PDE8B: variants seen among roughly 807,000 people sequenced by gnomAD.
PDE8B encodes phosphodiesterase 8B.
A neutral mutation model predicts 101.3 loss-of-function variants in PDE8B; 26 were observed. The observed-to-expected ratio is 0.26, with a 90% confidence interval of 0.19 to 0.36. The LOEUF is 0.36. PDE8B is among the 10% of genes least tolerant of loss of function. PDE8B has a pLI of 1.00. For missense variants in PDE8B, 810 were observed against 1,163.1 expected, an observed-to-expected ratio of 0.70 and a Z score of 4.42; for synonymous variants, 424 against 429.3, an observed-to-expected ratio of 0.99 and a Z score of 0.15.
At chr5:77,328,648 A>T (rs934281533) in intron 3 of PDE8B, among the ~76,000 whole-genome samples, 6 of 152,236 alleles carry the variant, frequency 3.9e-5, no homozygotes, top group African/African-American at 1.4e-4. Context: ...GTACATACTG[A>T]TAAGAAGAGG....
intron 1 of PDE8B, among the ~76,000 whole-genome samples, chr5:77,242,604 A>C (rs1414893817): frequency 6.6e-6 from 1 of 152,240 alleles, no homozygotes. Context: ...ACTTTAAGAC[A>C]TCAGCTCCTT....
At chr5:77,331,284 G>T (rs565086814) in intron 4 of PDE8B, 118 bp from the exon 5 acceptor site, 1 of 893,974 alleles carries the variant, frequency 1.1e-6, no homozygotes, top group Non-Finnish European at 1.9e-6. Flanking sequence ...GCACGTGCTC[G>T]TCAGGAAGCC....
chr5:77,283,824 A>G (rs1206737937), intron 1 of PDE8B, among the ~76,000 whole-genome samples: 1 of 152,198 alleles, frequency 6.6e-6, no homozygotes, highest in Non-Finnish European at 1.5e-5. Flanking sequence ...TGTAGACATA[A>G]ATTTTCAGGT....
intron 6 of PDE8B, among the ~76,000 whole-genome samples, chr5:77,341,232 A>T (rs1241908146): frequency 6.6e-6 from 1 of 152,182 alleles, no homozygotes; most frequent in African/African-American, 2.4e-5. Flanking sequence ...GAGCCTGAAT[A>T]AACGTTGTGG....
chr5:77,204,771 A>G, the PDE8B span, among the ~76,000 whole-genome samples: 3 of 152,230 alleles, frequency 2.0e-5, no homozygotes, highest in African/African-American at 7.2e-5. Flanking sequence ...TCCCTTCCCA[A>G]TGACCATAAC....
chr5:77,423,661 A>ATTTTTTTT (rs1797245306), intron 20 of PDE8B, among the ~76,000 whole-genome samples: 3 of 24,970 alleles, frequency 1.2e-4, no homozygotes, highest in African/African-American at 3.8e-4. Flanking sequence ...TTTTTTTTTG[A>ATTTTTTTT]GACAGTCTTG....
At chr5:77,213,541 C>T (rs1357165956) in intron 1 of PDE8B, among the ~76,000 whole-genome samples, 1 of 152,188 alleles carries the variant, frequency 6.6e-6, no homozygotes, top group South Asian at 2.1e-4. Flanking sequence ...TTTATAAAAA[C>T]TTTACATTCA....
At chr5:77,215,043 T>C (rs1749362032) in intron 1 of PDE8B, among the ~76,000 whole-genome samples, 1 of 152,220 alleles carries the variant, frequency 6.6e-6, no homozygotes, top group Admixed American at 6.5e-5. Context: ...TTCATCTTAG[T>C]TCACTTCTGT....
At chr5:77,129,143 T>G in the PDE8B span, among the ~76,000 whole-genome samples, 1 of 152,116 alleles carries the variant, frequency 6.6e-6, no homozygotes, top group African/African-American at 2.4e-5. Flanking sequence ...ACTAGTTTAG[T>G]AGTGAAAGTA....
chr5:77,357,565 C>T (rs2150519174), intron 10 of PDE8B, among the ~76,000 whole-genome samples: 1 of 152,320 alleles, frequency 6.6e-6, no homozygotes, highest in African/African-American at 2.4e-5. Flanking sequence ...AGCTTCTCTC[C>T]AAACCCAGCA....
chr5:77,266,002 C>T (rs1250426595), intron 1 of PDE8B, among the ~76,000 whole-genome samples: 2 of 152,102 alleles, frequency 1.3e-5, no homozygotes, highest in South Asian at 2.1e-4. Flanking sequence ...TGCCTGACTG[C>T]GCTGCTCAGG....
At chr5:77,142,627 CATATA>C in the PDE8B span, among the ~76,000 whole-genome samples, 2 of 152,020 alleles carry the variant, frequency 1.3e-5, no homozygotes, top group Non-Finnish European at 2.9e-5. Context: ...CAATCTGGGG[CATATA>C]ATCTGTGATT....
In PDE8B at chr5:77,241,215, C is replaced by T. The variant is rs575637948; in HGVS notation, c.339+29951C>T. On this transcript the variant is annotated intron_variant, in intron 1 of 21. Transcript: ENST00000264917. ...GCACGCACACCTCATTGCTTTTCTTCGGCAAGTATTGGGAGTAACTCATCA... is the reference window on the plus strand; with the variant it reads ...GCACGCACACCTCATTGCTTTTCTTTGGCAAGTATTGGGAGTAACTCATCA... Among the ~76,000 whole-genome samples the T allele has an allele frequency of 4.7e-3, 723 of 152,272 alleles. 3 individuals carry two copies. Among genetic ancestry groups the T allele is most frequent in the African/African-American group, 0.016 (676 of 41,558 alleles).
At chr5:77,272,517 C>T (rs1763000429) in intron 1 of PDE8B, among the ~76,000 whole-genome samples, 1 of 152,134 alleles carries the variant, frequency 6.6e-6, no homozygotes, top group African/African-American at 2.4e-5. Flanking sequence ...TTAAAACCTC[C>T]ATTTGAGAGC....
the PDE8B span, chr5:77,142,160 G>A: frequency 1.3e-5 from 2 of 152,184 alleles, no homozygotes; most frequent in African/African-American, 4.8e-5. Flanking sequence ...GGAGGTTGCA[G>A]TAAAGAACTG....
At chr5:77,375,885 ATTTCTTTTTTTT>A (rs1454743525) in intron 10 of PDE8B, among the ~76,000 whole-genome samples, 1 of 89,864 alleles carries the variant, frequency 1.1e-5, no homozygotes, top group Non-Finnish European at 2.3e-5. Flanking sequence ...TTGTGCCTTG[ATTTCTTTTTTTT>A]TTTTTTTTTT....
At chr5:77,328,166 G>A (rs909653106) in intron 3 of PDE8B, among the ~76,000 whole-genome samples, 2 of 152,300 alleles carry the variant, frequency 1.3e-5, no homozygotes, top group East Asian at 3.9e-4. Flanking sequence ...ATAGGTCAAA[G>A]CAAGCTGCTG....
chr5:77,350,737 C>T (rs1780950014), intron 8 of PDE8B, among the ~76,000 whole-genome samples: 1 of 152,198 alleles, frequency 6.6e-6, no homozygotes, highest in Non-Finnish European at 1.5e-5. Context: ...GCCAAGTTCA[C>T]AGATTGCTGT....
At chr5:77,411,342 G>A (rs1380856718) in intron 14 of PDE8B, among the ~76,000 whole-genome samples, 1 of 152,206 alleles carries the variant, frequency 6.6e-6, no homozygotes, top group Non-Finnish European at 1.5e-5. Context: ...AAGATCTGAA[G>A]CAAGGTCACT....
Sources: allele counts gnomAD v4.1 joint callset (sites outside exome capture counted in the v4.1 genomes callset), GRCh38; gene constraint gnomAD v4.1.1; transcripts MANE v1.5; gene names NCBI Gene and HGNC (gene_info 2026-07-23, HGNC 2026-07-21).